Variants in IL20RA observed in about 807,000 individuals in gnomAD.
The protein encoded by IL20RA is interleukin-20 receptor subunit alpha.
IL20RA carries 29 observed loss-of-function variants against 36.5 expected under a neutral mutation model. The observed-to-expected ratio is 0.79, with a 90% CI of 0.59 to 1.08. The LOEUF (loss-of-function observed/expected upper bound fraction) is 1.08. Ranked by LOEUF, IL20RA falls within the 50% of genes least tolerant of loss-of-function variation. The pLI, the probability that IL20RA is intolerant of heterozygous loss-of-function variation, is 0.00. For missense variants in IL20RA, 652 were observed against 668.4 expected (o/e 0.98, Z 0.27); for synonymous variants, 279 against 267.1 (o/e 1.04, Z -0.43).
At position 137,001,289 on chromosome 6, in the gene IL20RA, C is replaced by A. The variant is rs76578405; in HGVS notation, c.*269G>T. ...ACACCCACCTGAATAAATTCTGCAC[C>A]CAGTCTGGCAAACATTTATTGACTG... On this transcript the variant is annotated 3_prime_UTR_variant, in exon 7 of 7. Coordinates refer to ENST00000316649, the MANE Select transcript of IL20RA (RefSeq NM_014432.4). 0.013 allele frequency: 4,202 copies of A among 311,566 alleles called. 171 individuals are homozygous for A. The highest frequency in any genetic ancestry group is 0.08 in the African/African-American group (3,758 of 46,692). The allele number at this position is 311,566 out of a possible 1,614,324, so 19.3% of individuals were successfully genotyped here.
chr6:137,004,174 T>TTTTTG (rs1775190082), intron 6 of IL20RA, among the ~76,000 whole-genome samples: 1 of 124,450 alleles, frequency 8.0e-6, no homozygotes, highest in Non-Finnish European at 1.7e-5. Context: ...TTTTTTTTTT[T>TTTTTG]TTTTTTTTTT....
At position 137,021,816 on chromosome 6, in the gene IL20RA, G is replaced by A. The variant is rs992204390; in HGVS notation, c.89-4713C>T. Among the ~76,000 whole-genome samples, 15 of 38,624 alleles carry A rather than the reference G, an allele frequency of 3.9e-4. No homozygotes were observed. The Non-Finnish European group carries it at 0.015, about 39-fold the overall frequency. 25.3% of individuals were successfully genotyped at this position (38,624 alleles called of 152,430 possible). A position where few individuals can be genotyped will look rare whatever the true frequency, so the allele number is the denominator to read the frequency against. ...TGGTTGGCATATAATAAAAATAGTCGCTAATACTTACTAAATCCTTACCAC... is the reference window on the plus strand; with the variant it reads ...TGGTTGGCATATAATAAAAATAGTCACTAATACTTACTAAATCCTTACCAC... On this transcript the variant is annotated intron_variant, in intron 1 of 6. Transcript: ENST00000316649.
intron 1 of IL20RA, among the ~76,000 whole-genome samples, chr6:137,025,827 T>TACAA (rs1216740046): frequency 1.3e-5 from 2 of 152,222 alleles, no homozygotes; most frequent in Non-Finnish European, 2.9e-5. Flanking sequence ...AAAAGTTGTT[T>TACAA]CTTTTTAGTT....
Position 137,008,671 on chromosome 6 carries a change from C to A in IL20RA, c.652G>T (p.Val218Leu). 2 of 1,609,220 alleles carry A rather than the reference C, an allele frequency of 1.2e-6. No individual in the cohort carries two copies. Among genetic ancestry groups the A allele is most frequent in the Non-Finnish European group, 1.7e-6 (2 of 1,177,854 alleles). ...LEPNTLYCVH[V>L]ESFVPGPPRR... The stretch of plus-strand genomic sequence containing the variant: ...GGGGGCCCTGGGACGAAGGACTCCA[C>A]GTGTACGCAGTAAAGAGTGTTCGGC... The change falls in exon 5 of 7, where the codon GTG (valine) becomes TTG (leucine). Residue 218 changes from valine (V) to leucine (L), a missense_variant. By Grantham distance (32) the Val-to-Leu change is conservative. Coordinates refer to ENST00000316649, the MANE Select transcript of IL20RA (RefSeq NM_014432.4).
At chr6:137,031,521 G>C (rs1776282278) in intron 1 of IL20RA, among the ~76,000 whole-genome samples, 1 of 152,252 alleles carries the variant, frequency 6.6e-6, no homozygotes, top group Admixed American at 6.5e-5. Flanking sequence ...GTAGCATGCA[G>C]TACAGGTTGG....
intron 1 of IL20RA, among the ~76,000 whole-genome samples, chr6:137,018,517 T>TGC (rs936783437): frequency 6.7e-6 from 1 of 148,664 alleles, no homozygotes; most frequent in African/African-American, 2.5e-5. Context: ...CGTGTGCGTG[T>TGC]GTGTGTGTGT....
At chr6:137,009,230 C>T in intron 4 of IL20RA, 87 bp downstream of exon 4, 1 of 1,072,800 alleles carries the variant, frequency 9.3e-7, no homozygotes, top group Non-Finnish European at 1.5e-6. Flanking sequence ...GATTCACATG[C>T]AGAGAATCAA....
rs966447793 is a variant in IL20RA, at chr6:137,004,650, C to A, written c.835G>T (p.Val279Phe). Reference protein sequence around the residue: ...MGYSIYRYIHVGKEKHPANLI... With the variant: ...MGYSIYRYIHFGKEKHPANLI... ...TTTGCTGGGTGTTTCTCTTTGCCAA[C>A]GTGGATATATCGGTAGATGGAATAG... Residue 279 changes from valine (V) to phenylalanine (F), a missense_variant, in exon 6 of 7, where the codon GTT (valine) becomes TTT (phenylalanine). Physicochemically the swap from Val to Phe is conservative, Grantham distance 50. Transcript: ENST00000316649. The A allele has an allele frequency of 6.2e-7, 1 of 1,613,174 alleles. No homozygotes were observed. The highest frequency in any genetic ancestry group is 8.5e-7 in the Non-Finnish European group (1 of 1,179,824).
intron 1 of IL20RA, 37 bp downstream of exon 1, chr6:137,044,604 C>A (rs1776832311): frequency 7.4e-6 from 9 of 1,219,326 alleles, no homozygotes; most frequent in East Asian, 6.5e-5. Context: ...GGCCTGGAGG[C>A]ATCCCCGACC....
chr6:137,032,791 G>C (rs976038364), intron 1 of IL20RA, among the ~76,000 whole-genome samples: 2 of 152,140 alleles, frequency 1.3e-5, no homozygotes, highest in African/African-American at 4.8e-5. Context: ...TGTTTTGAGG[G>C]TGACCAGGAC....
Position 137,001,598 on chromosome 6 carries a change from A to G in IL20RA, c.1622T>C (p.Phe541Ser), listed in dbSNP as rs998178969. ...CACATATAACCCCCATTCCTCCATGAATTGCATGAGATAGGTTTCATTTTC... is the reference window on the plus strand; with the variant it reads ...CACATATAACCCCCATTCCTCCATGGATTGCATGAGATAGGTTTCATTTTC... ...PGENETYLMQ[F>S]MEEWGLYVQM... The change falls in exon 7 of 7, where the codon TTC (phenylalanine) becomes TCC (serine). Residue 541 changes from phenylalanine (F) to serine (S), a missense_variant. Phe to Ser is a radical substitution (Grantham distance 155). Coordinates refer to ENST00000316649, the MANE Select transcript of IL20RA (RefSeq NM_014432.4). 6.3e-7 allele frequency: 1 copy of G among 1,596,422 alleles called. No individual in the cohort carries two copies. The highest frequency in any genetic ancestry group is 1.3e-5 in the African/African-American group (1 of 74,182).
rs1340787976 is a variant in IL20RA at position 137,001,894 on chromosome 6, G to A, written c.1326C>T (p.Gly442=). ...TGTATGAGTACTGTAACGTTTGCGG[G>A]CCCAAGACTGCCAACGCTGCCTGCG... ...LESQAALAVL[G]PQTLQYSYTP... is the part of the protein sequence containing the mutation. The change falls in exon 7 of 7, where the codon GGC becomes GGT. Residue 442 remains glycine, a synonymous_variant. Transcript: ENST00000316649. 6.2e-7 allele frequency: 1 copy of A among 1,613,760 alleles called. No individual in the cohort carries two copies. The highest frequency in any genetic ancestry group is 1.6e-4 in the Middle Eastern group (1 of 6,062).
At chr6:137,033,725 T>C (rs1050613125) in intron 1 of IL20RA, among the ~76,000 whole-genome samples, 1 of 152,232 alleles carries the variant, frequency 6.6e-6, no homozygotes, top group African/African-American at 2.4e-5. Flanking sequence ...AAGTGCCAAT[T>C]AAACTTATTT....
intron 1 of IL20RA, among the ~76,000 whole-genome samples, chr6:137,020,236 G>T (rs932408335): frequency 6.6e-6 from 1 of 152,164 alleles, no homozygotes; most frequent in Non-Finnish European, 1.5e-5. Context: ...GATCTTAGAA[G>T]TGGATCCTCC....
chr6:137,024,334 A>C (rs539453715), intron 1 of IL20RA, among the ~76,000 whole-genome samples: 2 of 152,354 alleles, frequency 1.3e-5, no homozygotes, highest in African/African-American at 4.8e-5. Flanking sequence ...AAGGTCATTG[A>C]ATCAACACCA....
At chr6:137,038,396 G>T (rs1198376121) in intron 1 of IL20RA, among the ~76,000 whole-genome samples, 1 of 151,040 alleles carries the variant, frequency 6.6e-6, no homozygotes, top group Non-Finnish European at 1.5e-5. Context: ...TGTAGAGATG[G>T]GGTCTCTCCT....
At chr6:137,011,120 G>A (rs1010087175) in intron 3 of IL20RA, among the ~76,000 whole-genome samples, 154 bp downstream of exon 3, 1 of 152,108 alleles carries the variant, frequency 6.6e-6, no homozygotes, top group African/African-American at 2.4e-5. Context: ...GAGCCAGCAA[G>A]GTTAAGGACT....
intron 1 of IL20RA, among the ~76,000 whole-genome samples, chr6:137,032,436 T>C (rs746511353): frequency 3.3e-5 from 5 of 152,168 alleles, no homozygotes; most frequent in Non-Finnish European, 2.9e-5. Context: ...CAAAGCCCAT[T>C]CAAGGTAAGT....
intron 3 of IL20RA, among the ~76,000 whole-genome samples, chr6:137,010,734 T>C (rs1173783919): frequency 1.3e-5 from 2 of 152,200 alleles, no homozygotes; most frequent in African/African-American, 4.8e-5. Context: ...AGAAGAAGCA[T>C]AGTGGATAAT....
Sources: allele counts gnomAD v4.1 joint callset (sites outside exome capture counted in the v4.1 genomes callset), GRCh38; gene constraint gnomAD v4.1.1; transcripts MANE v1.5; gene names NCBI Gene and HGNC (gene_info 2026-07-23, HGNC 2026-07-21).